The following ZIM2 variants were observed in gnomAD, a reference collection of about 807,000 sequenced individuals.
ZIM2 encodes zinc finger protein 656.
Under a neutral mutation model 38.6 loss-of-function variants are expected in ZIM2, and 14 were observed. The observed-to-expected ratio is 0.36, with a 90% CI of 0.24 to 0.57. The LOEUF (loss-of-function observed/expected upper bound fraction) is 0.57. ZIM2 is among the 20% of genes least tolerant of loss of function. ZIM2 has a pLI of 0.81. For missense variants in ZIM2, 680 were observed against 695.1 expected (o/e 0.98, Z 0.24); for synonymous variants, 247 against 245.8 (o/e 1.00, Z -0.04).
At chr19:56,815,776 C>A (rs149573512) in intron 9 of ZIM2, 1 of 1,613,608 alleles carries the variant, frequency 6.2e-7, no homozygotes, top group Non-Finnish European at 8.5e-7. Context: ...TTCATAGTTG[C>A]GATTCTTACT....
At chr19:56,839,211 T>C (rs946479793) in intron 1 of ZIM2, among the ~76,000 whole-genome samples, 1 of 151,996 alleles carries the variant, frequency 6.6e-6, no homozygotes, top group African/African-American at 2.4e-5. Context: ...CCGCCCCATC[T>C]GCCACCAACC....
chr19:56,816,715 G>C lies in ZIM2; in HGVS notation c.490+1031C>G, dbSNP rs2060015301. On this transcript the variant is annotated intron_variant, in intron 9 of 12. Transcript: ENST00000629319. ...GATTTTCTGGTGCTCAATCAGGGCA[G>C]AACTATGAAGGAAGGTTTCCTTACA... The C allele has an allele frequency of 1.9e-6, 3 of 1,613,938 alleles. No individual in the cohort carries two copies. In the African/African-American group the frequency reaches 4.0e-5, roughly 22 times the overall value.
intron 9 of ZIM2, among the ~76,000 whole-genome samples, chr19:56,795,178 C>T (rs778547416): frequency 7.9e-5 from 12 of 152,168 alleles, no homozygotes; most frequent in Non-Finnish European, 1.3e-4. Flanking sequence ...CCTCAGCCTC[C>T]GGCCTTGGGG....
chr19:56,784,592 T>C (rs1258622902), intron 10 of ZIM2, among the ~76,000 whole-genome samples: 1 of 152,186 alleles, frequency 6.6e-6, no homozygotes, highest in Non-Finnish European at 1.5e-5. Context: ...TAACTGTCCA[T>C]TGACCCTCCT....
chr19:56,798,415 A>G (rs1318272080), intron 9 of ZIM2: 4 of 152,224 alleles, frequency 2.6e-5, no homozygotes, highest in Admixed American at 1.3e-4. Context: ...CCATATGCAG[A>G]AAGTTGAAAC....
chr19:56,817,882 C>T lies in ZIM2; in HGVS notation c.398-44G>A, dbSNP rs1011857130. 5 of 1,449,566 alleles carry T rather than the reference C, an allele frequency of 3.4e-6. No individual in the cohort carries two copies. The East Asian group carries it at 6.8e-5, about 20-fold the overall frequency. 89.8% of individuals were successfully genotyped at this position (1,449,566 alleles called of 1,614,324 possible). ...TGATGCCTCAAATTCAAGTTGAGGA[C>T]CAAGACTCATCACCATAAATTGATC... is the stretch of plus-strand genomic sequence containing the variant. On this transcript the variant is annotated intron_variant, in intron 8 of 12. Coordinates refer to ENST00000629319, the MANE Select transcript of ZIM2 (RefSeq NM_001387356.1).
rs565306797 is a variant in ZIM2, at chr19:56,824,439, C to G, written c.-150-12G>C. ...GTGCGGGTCTCCGGCTGCAACCAATCGAGGCAGAGGTTTCGGAGTTTGATC... is the reference window on the plus strand; with the variant it reads ...GTGCGGGTCTCCGGCTGCAACCAATGGAGGCAGAGGTTTCGGAGTTTGATC... On this transcript the variant is annotated splice_polypyrimidine_tract_variant and intron_variant, in intron 3 of 12. Coordinates refer to ENST00000629319, the MANE Select transcript of ZIM2 (RefSeq NM_001387356.1). 6.2e-7 allele frequency: 1 copy of G among 1,614,072 alleles called. No homozygotes were observed. Among genetic ancestry groups the G allele is most frequent in the Non-Finnish European group, 8.5e-7 (1 of 1,180,020 alleles).
At chr19:56,823,798 T>A in intron 4 of ZIM2, 119 bp from the exon 5 acceptor site, 1 of 1,208,354 alleles carries the variant, frequency 8.3e-7, no homozygotes, top group Non-Finnish European at 1.2e-6. Flanking sequence ...GACCTGATCC[T>A]GACATTTCTG....
intron 2 of ZIM2, among the ~76,000 whole-genome samples, chr19:56,834,647 G>A (rs983272503): frequency 3.9e-5 from 6 of 152,070 alleles, no homozygotes; most frequent in Non-Finnish European, 7.4e-5. Flanking sequence ...ATGAGCCCTC[G>A]GGCAAAGGAG....
chr19:56,806,431 G>T (rs2047759585), intron 9 of ZIM2, among the ~76,000 whole-genome samples: 1 of 152,132 alleles, frequency 6.6e-6, no homozygotes. Context: ...AGGGGGAGGA[G>T]AGAGTAGAAG....
At chr19:56,807,467 T>G (rs1490160236) in intron 9 of ZIM2, among the ~76,000 whole-genome samples, 2 of 152,190 alleles carry the variant, frequency 1.3e-5, no homozygotes, top group Non-Finnish European at 2.9e-5. Flanking sequence ...TAAGTCTTCT[T>G]GAGTTTGGAA....
At chr19:56,788,175 C>G (rs2046729200) in intron 10 of ZIM2, among the ~76,000 whole-genome samples, 1 of 151,410 alleles carries the variant, frequency 6.6e-6, no homozygotes, top group Admixed American at 6.6e-5. Flanking sequence ...TCTTGCTTCT[C>G]TAGTTATTTT....
intron 7 of ZIM2, among the ~76,000 whole-genome samples, chr19:56,821,135 T>C (rs1019824426): frequency 2.0e-5 from 3 of 152,260 alleles, no homozygotes; most frequent in African/African-American, 7.2e-5. Flanking sequence ...TGAGTGACTT[T>C]TCACAGCAGC....
chr19:56,821,910 C>T (rs2060526495), intron 6 of ZIM2, among the ~76,000 whole-genome samples, 156 bp from the exon 7 acceptor site: 1 of 152,020 alleles, frequency 6.6e-6, no homozygotes, highest in African/African-American at 2.4e-5. Context: ...TGAGGAGTCC[C>T]ATAAAACCAG....
At chr19:56,788,979 CTG>C (rs1225008566) in intron 10 of ZIM2, among the ~76,000 whole-genome samples, 1 of 151,632 alleles carries the variant, frequency 6.6e-6, no homozygotes, top group African/African-American at 2.4e-5. Flanking sequence ...AGTTCTCATG[CTG>C]TGTTTTTCAG....
At chr19:56,817,544 G>A in intron 9 of ZIM2, 1 of 1,597,650 alleles carries the variant, frequency 6.3e-7, no homozygotes, top group South Asian at 1.1e-5. Flanking sequence ...CCCCGCCGGT[G>A]GGTTGATTTT....
intron 1 of ZIM2, among the ~76,000 whole-genome samples, chr19:56,837,494 G>A (rs1441355080): frequency 3.3e-5 from 5 of 152,216 alleles, no homozygotes; most frequent in African/African-American, 4.8e-5. Flanking sequence ...GTTTGGCCTT[G>A]GATTCCACTT....
chr19:56,810,253 T>C, intron 9 of ZIM2: 1 of 983,740 alleles, frequency 1.0e-6, no homozygotes, highest in Non-Finnish European at 1.2e-6. Flanking sequence ...TACATTTCTG[T>C]AACTTCAAAG....
intron 9 of ZIM2, among the ~76,000 whole-genome samples, chr19:56,804,949 C>T (rs1299722210): frequency 6.6e-6 from 1 of 152,218 alleles, no homozygotes; most frequent in Non-Finnish European, 1.5e-5. Flanking sequence ...GGCAGTTAGA[C>T]CCCAGAGTCT....
Sources: gnomAD v4.1 joint callset for allele counts (sites outside exome capture counted in the v4.1 genomes callset) on GRCh38, gnomAD v4.1.1 for gene constraint, MANE v1.5 for transcripts, NCBI Gene and HGNC (gene_info 2026-07-23, HGNC 2026-07-21) for gene names.